The following LRRC18 variants were observed in gnomAD, a reference collection of about 807,000 sequenced individuals.
The protein encoded by LRRC18 is leucine rich repeat containing 18.
In LRRC18, 12 loss-of-function variants were observed where a neutral mutation model predicts 11.2. The observed-to-expected ratio is 1.07, with a 90% CI of 0.69 to 1.74. The LOEUF (loss-of-function observed/expected upper bound fraction) is 1.74, where lower values mean the gene tolerates loss of function less well. LRRC18 is among the 40% of genes most tolerant of loss of function. The pLI is 0.00. For missense variants in LRRC18, 374 were observed against 330.5 expected (o/e 1.13, Z -1.02); for synonymous variants, 155 against 130.6 (o/e 1.19, Z -1.27).
At chr10:48,918,091 T>C (rs1449802179), upstream of LRRC18, among the ~76,000 whole-genome samples, 1 of 152,070 alleles carries the variant, frequency 6.6e-6, no homozygotes, top group Non-Finnish European at 1.5e-5. Flanking sequence ...TAAAAAGATA[T>C]AGTAAATAGT....
chr10:48,933,554 TGG>T, the LRRC18 span, among the ~76,000 whole-genome samples: 5 of 152,206 alleles, frequency 3.3e-5, no homozygotes, highest in Non-Finnish European at 7.3e-5. Flanking sequence ...CTAGATCCTG[TGG>T]GAAACTTTCT....
chr10:48,917,824 G>T (rs1233074386), upstream of LRRC18, among the ~76,000 whole-genome samples: 1 of 152,216 alleles, frequency 6.6e-6, no homozygotes, highest in African/African-American at 2.4e-5. Context: ...CTAAATATCT[G>T]AGTAAATGTG....
At chr10:48,918,795 T>C (rs1838783097), upstream of LRRC18, among the ~76,000 whole-genome samples, 1 of 152,210 alleles carries the variant, frequency 6.6e-6, no homozygotes, top group African/African-American at 2.4e-5. Context: ...GCCTTGTACA[T>C]TGTAGAATGT....
chr10:48,939,238 A>G, the LRRC18 span, among the ~76,000 whole-genome samples: 1 of 152,160 alleles, frequency 6.6e-6, no homozygotes, highest in East Asian at 1.9e-4. Flanking sequence ...AGTAGAAAAG[A>G]ATCTCCCCTG....
upstream of LRRC18, among the ~76,000 whole-genome samples, chr10:48,914,775 G>A (rs527866856): frequency 8.9e-4 from 135 of 152,254 alleles, no homozygotes; most frequent in African/African-American, 3.1e-3. Flanking sequence ...TCCAACAGTA[G>A]CCATGCAGAA....
At chr10:48,912,954 C>G (rs969554740) in intron 1 of LRRC18, among the ~76,000 whole-genome samples, 6 of 152,240 alleles carry the variant, frequency 3.9e-5, no homozygotes, top group African/African-American at 1.4e-4. Context: ...CAAACTCATG[C>G]TCTGAGATTC....
chr10:48,921,416 T>A, the LRRC18 span, among the ~76,000 whole-genome samples: 1 of 152,216 alleles, frequency 6.6e-6, no homozygotes, highest in Non-Finnish European at 1.5e-5. Flanking sequence ...GTTATTTATA[T>A]GCAAAAATTA....
chr10:48,930,204 A>G, the LRRC18 span, among the ~76,000 whole-genome samples: 1 of 152,184 alleles, frequency 6.6e-6, no homozygotes, highest in Non-Finnish European at 1.5e-5. Context: ...CCCAGATTTC[A>G]TAGCTGAGAG....
upstream of LRRC18, among the ~76,000 whole-genome samples, chr10:48,918,961 C>T (rs2671698): frequency 0.33 from 50,752 of 152,012 alleles, 8,969 homozygotes; most frequent in Non-Finnish European, 0.39. Flanking sequence ...CTCACTATTA[C>T]CACTGACCAA....
intron 1 of LRRC18, 104 bp from the exon 4 acceptor site, chr10:48,910,362 TCA>T: frequency 2.0e-5 from 19 of 952,030 alleles, no homozygotes; most frequent in Non-Finnish European, 3.3e-5. Flanking sequence ...TGCCTGACCT[TCA>T]GGATGGTCAG....
At chr10:48,938,692 C>T in the LRRC18 span, among the ~76,000 whole-genome samples, 6 of 152,294 alleles carry the variant, frequency 3.9e-5, no homozygotes, top group East Asian at 1.9e-4. Context: ...ATGGCAGTAG[C>T]GCTCAAGCTT....
At chr10:48,939,297 C>T in the LRRC18 span, among the ~76,000 whole-genome samples, 4 of 152,360 alleles carry the variant, frequency 2.6e-5, no homozygotes, top group Non-Finnish European at 1.5e-5. Context: ...TGAGTAGCTC[C>T]GTGCCCACAC....
upstream of LRRC18, among the ~76,000 whole-genome samples, chr10:48,917,738 AG>A (rs1455814574): frequency 1.4e-4 from 21 of 152,374 alleles, no homozygotes; most frequent in Admixed American, 4.6e-4. Flanking sequence ...TGTCCAAGGA[AG>A]TTCTTCAGGT....
the LRRC18 span, among the ~76,000 whole-genome samples, chr10:48,926,844 G>A: frequency 6.6e-6 from 1 of 152,226 alleles, no homozygotes; most frequent in African/African-American, 2.4e-5. Context: ...TCATAGGCAT[G>A]TGTCCCCAAG....
At chr10:48,927,915 G>A in the LRRC18 span, among the ~76,000 whole-genome samples, 1 of 152,322 alleles carries the variant, frequency 6.6e-6, no homozygotes. Context: ...AAGATGATTA[G>A]TTTAACAGAC....
the LRRC18 span, among the ~76,000 whole-genome samples, chr10:48,935,419 GC>G: frequency 6.6e-6 from 1 of 152,226 alleles, no homozygotes; most frequent in Non-Finnish European, 1.5e-5. Context: ...TGTTCACCCA[GC>G]AGTCAGTGGG....
the LRRC18 span, among the ~76,000 whole-genome samples, chr10:48,924,625 T>G: frequency 1.3e-5 from 2 of 152,258 alleles, no homozygotes; most frequent in South Asian, 4.1e-4. Context: ...TGTACAATTT[T>G]TTTTTATACT....
upstream of LRRC18, among the ~76,000 whole-genome samples, chr10:48,917,544 G>A (rs1264597284): frequency 4.6e-5 from 7 of 152,212 alleles, no homozygotes; most frequent in Non-Finnish European, 1.0e-4. Context: ...AGGAATGACT[G>A]CAGGTTTCTC....
chr10:48,913,902 A>G, exon 1 of LRRC18: 1 of 1,614,106 alleles, frequency 6.2e-7, no homozygotes, highest in Non-Finnish European at 8.5e-7. Context: ...CAGCTTGTCT[A>G]TGTAGTTGCT....
Sources: gnomAD v4.1 joint callset for allele counts (sites outside exome capture counted in the v4.1 genomes callset) on GRCh38, gnomAD v4.1.1 for gene constraint, MANE v1.5 for transcripts, NCBI Gene and HGNC (gene_info 2026-07-23, HGNC 2026-07-21) for gene names.